Variants in PTPRG observed in about 807,000 individuals in gnomAD.
PTPRG encodes the protein protein tyrosine phosphatase receptor type G.
PTPRG carries 102 observed loss-of-function variants against 165.3 expected under a neutral mutation model. That is an observed-to-expected ratio of 0.62 (90% CI 0.53 to 0.73). PTPRG has a LOEUF of 0.73. PTPRG is among the 30% of genes least tolerant of loss of function. PTPRG has a pLI of 0.00. For synonymous variants in PTPRG, 675 were observed against 669.5 expected (o/e 1.01, Z -0.13); for missense variants, 1,866 against 1,861.4 (o/e 1.00, Z -0.05).
At chr3:61,866,168 A>T (rs1378421222) in intron 2 of PTPRG, among the ~76,000 whole-genome samples, 1 of 152,196 alleles carries the variant, frequency 6.6e-6, no homozygotes, top group Non-Finnish European at 1.5e-5. Flanking sequence ...GAATGGGCTG[A>T]CATTGATCTG....
rs576360436 is a variant in PTPRG at position 62,033,089 on chromosome 3, C to T, written c.519+29592C>T. Among the ~76,000 whole-genome samples the T allele has an allele frequency of 9.9e-5, 15 of 152,204 alleles. 1 individual carries two copies. The South Asian group carries it at 2.7e-3, about 27-fold the overall frequency. ...ATAAAAGTATTATATGTGTGTGACC[C>T]GGCTCCTGCCTCCCAGCCCAGTTAC... is the stretch of plus-strand genomic sequence containing the variant. On this transcript the variant is annotated intron_variant, in intron 4 of 29. Coordinates refer to ENST00000474889, the MANE Select transcript of PTPRG (RefSeq NM_002841.4).
chr3:62,250,264 C>T (rs1214339627), intron 15 of PTPRG, among the ~76,000 whole-genome samples: 3 of 152,176 alleles, frequency 2.0e-5, no homozygotes, highest in African/African-American at 7.2e-5. Context: ...AGTGGAGTCA[C>T]GCAGTCTGGC....
chr3:61,873,587 T>G (rs558792911), intron 2 of PTPRG, among the ~76,000 whole-genome samples: 1 of 152,330 alleles, frequency 6.6e-6, no homozygotes, highest in South Asian at 2.1e-4. Context: ...GGGTTATGGG[T>G]TGCCTTTGGC....
At chr3:62,262,765 CTG>C (rs1471335944) in intron 16 of PTPRG, 31 bp from the exon 17 acceptor site, 18 of 1,519,758 alleles carry the variant, frequency 1.2e-5, no homozygotes, top group Non-Finnish European at 1.5e-5. Flanking sequence ...TGTTTCTAAA[CTG>C]TGTCTATAAT....
At chr3:61,585,740 G>A (rs548098628) in intron 1 of PTPRG, among the ~76,000 whole-genome samples, 22 of 152,284 alleles carry the variant, frequency 1.4e-4, no homozygotes, top group Non-Finnish European at 3.2e-4. Context: ...GAGCCAGACC[G>A]TGTCTCAAAA....
chr3:61,828,973 A>G (rs1437441055), intron 2 of PTPRG, among the ~76,000 whole-genome samples: 6 of 152,186 alleles, frequency 3.9e-5, no homozygotes, highest in Non-Finnish European at 7.3e-5. Flanking sequence ...GATTTCTCCA[A>G]TATTTAAAGT....
At chr3:62,082,766 A>T (rs1436336247) in intron 5 of PTPRG, among the ~76,000 whole-genome samples, 1 of 152,248 alleles carries the variant, frequency 6.6e-6, no homozygotes, top group Non-Finnish European at 1.5e-5. Context: ...AAGTGAAGGA[A>T]GGAAGAACAA....
At chr3:62,070,879 G>A (rs1482843497) in intron 4 of PTPRG, among the ~76,000 whole-genome samples, 1 of 151,120 alleles carries the variant, frequency 6.6e-6, no homozygotes, top group South Asian at 2.1e-4. Context: ...ACGTTTCCCA[G>A]GTTTGTCAAA....
Position 61,999,883 on chromosome 3 carries a change from C to T in PTPRG, c.371-3466C>T, listed in dbSNP as rs374149540. On this transcript the variant is annotated intron_variant, in intron 3 of 29. Coordinates refer to ENST00000474889, the MANE Select transcript of PTPRG (RefSeq NM_002841.4). Reference sequence around the variant, plus strand: ...CAGGGAACTATGTGGGTTATATTAGCACCCAACTATGATTTTCTTTTCTTT... The same window carrying T: ...CAGGGAACTATGTGGGTTATATTAGTACCCAACTATGATTTTCTTTTCTTT... Among the ~76,000 whole-genome samples the T allele has an allele frequency of 2.8e-4, 42 of 152,276 alleles. No homozygotes were observed. The South Asian group carries it at 8.7e-3, about 32-fold the overall frequency.
intron 1 of PTPRG, among the ~76,000 whole-genome samples, chr3:61,584,060 A>G (rs1700374148): frequency 6.6e-6 from 1 of 152,124 alleles, no homozygotes; most frequent in African/African-American, 2.4e-5. Flanking sequence ...GAGTTCATTC[A>G]TTTTGAGCTT....
At chr3:61,653,812 C>A (rs1163831311) in intron 1 of PTPRG, among the ~76,000 whole-genome samples, 3 of 150,680 alleles carry the variant, frequency 2.0e-5, no homozygotes, top group African/African-American at 7.3e-5. Context: ...CACCTTGGCC[C>A]ACACTGTTCC....
chr3:61,966,785 C>G (rs996978744), intron 2 of PTPRG, among the ~76,000 whole-genome samples: 2 of 152,102 alleles, frequency 1.3e-5, no homozygotes, highest in Non-Finnish European at 2.9e-5. Context: ...TGGGTAGAAG[C>G]GGATCTAGTT....
chr3:61,762,916 T>C lies in PTPRG; in HGVS notation c.190+13934T>C, dbSNP rs189292340. Among the ~76,000 whole-genome samples, 7 of 152,218 alleles carry C rather than the reference T, an allele frequency of 4.6e-5. No homozygotes were observed. The East Asian group carries it at 1.4e-3, about 30-fold the overall frequency. On this transcript the variant is annotated intron_variant, in intron 2 of 29. Transcript: ENST00000474889. ...GTAGGCTTGGTCCTTAGAATCACTT[T>C]CCCTGTGTTCTTAACATGGCTTCCA...
At chr3:62,178,136 AGGAT>A (rs66547961) in intron 8 of PTPRG, among the ~76,000 whole-genome samples, 15,230 of 141,540 alleles carry the variant, frequency 0.11, 853 homozygotes, top group South Asian at 0.13. Context: ...AATGGATGGG[AGGAT>A]GGATGGATGG....
intron 1 of PTPRG, among the ~76,000 whole-genome samples, chr3:61,718,050 C>G (rs888219937): frequency 6.7e-6 from 1 of 149,420 alleles, no homozygotes; most frequent in South Asian, 2.1e-4. Flanking sequence ...CATGGTGGTG[C>G]GGGCACCTGT....
chr3:62,240,036 C>T lies in PTPRG; in HGVS notation c.2376-3771C>T, dbSNP rs76266366. On this transcript the variant is annotated intron_variant, in intron 14 of 29. Coordinates refer to ENST00000474889, the MANE Select transcript of PTPRG (RefSeq NM_002841.4). The surrounding 1 kb of genome is among the most constrained non-coding windows in gnomAD (Gnocchi z 5.1). ...CAGTCCCTGGCCCAGAGTAGACCCC[C>T]CAATAGATAGTTATTAAAGGAATAA... 0.025 allele frequency among the ~76,000 whole-genome samples: 3,780 copies of T among 152,162 alleles called. 54 individuals are homozygous for T. Among genetic ancestry groups the T allele is most frequent in the Non-Finnish European group, 0.039 (2,642 of 68,012 alleles).
intron 2 of PTPRG, among the ~76,000 whole-genome samples, chr3:61,828,998 C>T (rs190612479): frequency 6.2e-4 from 95 of 152,246 alleles, no homozygotes; most frequent in Admixed American, 1.9e-3. Context: ...GTTTTGTCAG[C>T]ATCTGCATGT....
At chr3:62,178,722 C>T (rs1335015505) in intron 8 of PTPRG, among the ~76,000 whole-genome samples, 1 of 152,178 alleles carries the variant, frequency 6.6e-6, no homozygotes, top group Admixed American at 6.5e-5. Context: ...CTAGTGTTTT[C>T]ACACTTTACC....
intron 1 of PTPRG, among the ~76,000 whole-genome samples, chr3:61,681,653 G>T (rs976567668): frequency 6.6e-6 from 1 of 152,098 alleles, no homozygotes; most frequent in Non-Finnish European, 1.5e-5. Context: ...ATGCCCCATG[G>T]AATTTCTATA....
Sources: allele counts gnomAD v4.1 joint callset (sites outside exome capture counted in the v4.1 genomes callset), GRCh38; gene constraint gnomAD v4.1.1; non-coding constraint Gnocchi (gnomAD v3.1); transcripts MANE v1.5; gene names NCBI Gene and HGNC (gene_info 2026-07-23, HGNC 2026-07-21).